Variants in VPS13B observed in about 807,000 individuals in gnomAD.
The protein encoded by VPS13B is intermembrane lipid transfer protein VPS13B.
In VPS13B, 285 loss-of-function variants were observed where a neutral mutation model predicts 426.4. The ratio of observed to expected loss-of-function variants is 0.67; its 90% CI spans 0.61 to 0.74. VPS13B has a LOEUF of 0.74. Ranked by LOEUF, VPS13B falls within the 30% of genes least tolerant of loss-of-function variation. VPS13B has a pLI of 0.00. For missense variants in VPS13B, 4,537 were observed against 4,782.6 expected, an observed-to-expected ratio of 0.95 and a Z score of 1.51; for synonymous variants, 1,676 against 1,676.4, an observed-to-expected ratio of 1.00 and a Z score of 0.01.
At chr8:99,124,254 AGCAGT>A (rs1848082032) in intron 8 of VPS13B, among the ~76,000 whole-genome samples, 1 of 152,214 alleles carries the variant, frequency 6.6e-6, no homozygotes, top group African/African-American at 2.4e-5. Context: ...TTTTGAGCAG[AGCAGT>A]GATATGACAC....
At chr8:99,038,679 CTTTTTTTTTTT>C (rs34774482) in intron 3 of VPS13B, 113 bp downstream of exon 3, 7 of 168,704 alleles carry the variant, frequency 4.1e-5, no homozygotes, top group Middle Eastern at 2.2e-3. Context: ...AGCTTATATA[CTTTTTTTTTTT>C]TTTTTTTTTT....
chr8:99,377,765 CT>C (rs1188391679), intron 19 of VPS13B, among the ~76,000 whole-genome samples: 3 of 152,106 alleles, frequency 2.0e-5, no homozygotes, highest in Non-Finnish European at 4.4e-5. Flanking sequence ...GTGATGCCCC[CT>C]GAGCTGTAAA....
intron 16 of VPS13B, among the ~76,000 whole-genome samples, chr8:99,172,935 T>A (rs1212859511): frequency 6.6e-6 from 1 of 152,206 alleles, no homozygotes; most frequent in Non-Finnish European, 1.5e-5. Context: ...TTCTTTCTTT[T>A]ATTTAATCAA....
intron 23 of VPS13B, among the ~76,000 whole-genome samples, chr8:99,445,404 G>A (rs1817865119): frequency 6.7e-6 from 1 of 149,940 alleles, no homozygotes; most frequent in Non-Finnish European, 1.5e-5. Flanking sequence ...GTTCCAGGAT[G>A]CAGCAAGCTA....
chr8:99,572,462 C>T (rs1416499196), intron 31 of VPS13B, among the ~76,000 whole-genome samples: 1 of 150,316 alleles, frequency 6.7e-6, no homozygotes, highest in African/African-American at 2.4e-5. Context: ...CCTCCCCCCA[C>T]CCCACAACAG....
intron 23 of VPS13B, among the ~76,000 whole-genome samples, chr8:99,452,315 C>A (rs531889284): frequency 1.3e-5 from 2 of 152,244 alleles, no homozygotes; most frequent in African/African-American, 4.8e-5. Context: ...TTATCAGGTC[C>A]CTCCAACTCT....
chr8:99,774,401 A>G (rs533510090), intron 40 of VPS13B, among the ~76,000 whole-genome samples: 2 of 152,258 alleles, frequency 1.3e-5, no homozygotes, highest in African/African-American at 4.8e-5. Flanking sequence ...TTGTGCATTC[A>G]ATTTAGGAAA....
intron 26 of VPS13B, 61 bp downstream of exon 26, chr8:99,501,919 C>T (rs1821261042): frequency 2.8e-6 from 4 of 1,448,380 alleles, no homozygotes; most frequent in Middle Eastern, 2.4e-4. Flanking sequence ...TCCCTCCCTC[C>T]CTCCCTCCCT....
chr8:99,567,679 G>T (rs891903916), intron 31 of VPS13B, among the ~76,000 whole-genome samples: 4 of 151,778 alleles, frequency 2.6e-5, no homozygotes, highest in Non-Finnish European at 5.9e-5. Flanking sequence ...TAAAAGATTA[G>T]GTCCCCTATT....
chr8:99,066,479 T>A (rs2132317589), intron 3 of VPS13B, among the ~76,000 whole-genome samples: 1 of 152,338 alleles, frequency 6.6e-6, no homozygotes, highest in Non-Finnish European at 1.5e-5. Context: ...ATCCCTTCCT[T>A]ACACCTTATA....
chr8:99,542,030 G>A (rs1337563702), intron 30 of VPS13B, among the ~76,000 whole-genome samples: 1 of 152,122 alleles, frequency 6.6e-6, no homozygotes, highest in Non-Finnish European at 1.5e-5. Context: ...AACATAGCTA[G>A]CACATTTCTT....
At chr8:99,246,546 C>A (rs1817227026) in intron 17 of VPS13B, among the ~76,000 whole-genome samples, 1 of 152,092 alleles carries the variant, frequency 6.6e-6, no homozygotes, top group African/African-American at 2.4e-5. Flanking sequence ...ATTATTTAAC[C>A]CATTATAAAA....
chr8:99,262,256 A>G (rs956168702), intron 17 of VPS13B, among the ~76,000 whole-genome samples: 1 of 152,208 alleles, frequency 6.6e-6, no homozygotes, highest in African/African-American at 2.4e-5. Flanking sequence ...TGCTGAAAAT[A>G]GTAAGTGCTT....
intron 23 of VPS13B, among the ~76,000 whole-genome samples, chr8:99,458,096 T>A (rs1455337475): frequency 8.2e-6 from 1 of 122,458 alleles, no homozygotes; most frequent in Non-Finnish European, 1.6e-5. Flanking sequence ...GGCCCCGGTG[T>A]GTGATGTTCC....
At chr8:99,417,526 C>A (rs1187172650) in intron 21 of VPS13B, among the ~76,000 whole-genome samples, 1 of 152,100 alleles carries the variant, frequency 6.6e-6, no homozygotes, top group African/African-American at 2.4e-5. Context: ...TGCTTTAGCT[C>A]ATTTACTCCC....
intron 33 of VPS13B, among the ~76,000 whole-genome samples, chr8:99,612,817 C>T (rs185753041): frequency 6.6e-6 from 1 of 152,316 alleles, no homozygotes; most frequent in Admixed American, 6.5e-5. Flanking sequence ...CATGAATAGT[C>T]TCAGACAAAT....
At chr8:99,479,836 A>G (rs1013933751) in intron 24 of VPS13B, among the ~76,000 whole-genome samples, 3 of 152,194 alleles carry the variant, frequency 2.0e-5, no homozygotes, top group African/African-American at 7.2e-5. Context: ...ATTTTTGCCT[A>G]TTACAAATAA....
At chr8:99,044,084 C>CTTTTTTTTTTT (rs5893476) in intron 3 of VPS13B, among the ~76,000 whole-genome samples, 4 of 98,932 alleles carry the variant, frequency 4.0e-5, no homozygotes, top group Admixed American at 1.3e-4. Context: ...TTCTTTCTTT[C>CTTTTTTTTTTT]TTTTTTTTTT....
intron 19 of VPS13B, among the ~76,000 whole-genome samples, chr8:99,366,508 C>T (rs1226450045): frequency 6.7e-6 from 1 of 149,118 alleles, no homozygotes; most frequent in Non-Finnish European, 1.5e-5. Flanking sequence ...GGCAATAGAT[C>T]ATTGGGTCTT....
Sources: gnomAD v4.1 joint callset for allele counts (sites outside exome capture counted in the v4.1 genomes callset) on GRCh38, gnomAD v4.1.1 for gene constraint, MANE v1.5 for transcripts, NCBI Gene and HGNC (gene_info 2026-07-23, HGNC 2026-07-21) for gene names.